The following CREB5 variants were observed in gnomAD, a reference collection of about 807,000 sequenced individuals.
CREB5 encodes cyclic AMP-responsive element-binding protein 5.
Under a neutral mutation model 57.1 loss-of-function variants are expected in CREB5, and 19 were observed. That is an observed-to-expected ratio of 0.33 (90% CI 0.23 to 0.49). The LOEUF (loss-of-function observed/expected upper bound fraction) is 0.49, where lower values mean the gene tolerates loss of function less well. CREB5 is among the 20% of genes least tolerant of loss of function. CREB5 has a pLI of 0.99. For synonymous variants in CREB5, 238 were observed against 238.3 expected (o/e 1.00, Z 0.01); for missense variants, 579 against 671.6 (o/e 0.86, Z 1.52).
chr7:28,569,842 A>G (rs1277998000), intron 4 of CREB5, among the ~76,000 whole-genome samples: 1 of 152,190 alleles, frequency 6.6e-6, no homozygotes, highest in African/African-American at 2.4e-5. Context: ...CTCATTCCAC[A>G]GGTTGTTGAG....
intron 5 of CREB5, among the ~76,000 whole-genome samples, chr7:28,579,765 T>C (rs1181137706): frequency 6.6e-6 from 1 of 152,198 alleles, no homozygotes; most frequent in African/African-American, 2.4e-5. Context: ...TCTACATGAA[T>C]AATCATAATG....
intron 5 of CREB5, among the ~76,000 whole-genome samples, chr7:28,709,863 A>G (rs534821918): frequency 6.6e-6 from 1 of 152,208 alleles, no homozygotes; most frequent in Non-Finnish European, 1.5e-5. Flanking sequence ...GTCAATATCG[A>G]TAAGTCCGTG....
intron 7 of CREB5, among the ~76,000 whole-genome samples, chr7:28,747,152 T>C (rs17157118): frequency 0.079 from 12,066 of 151,942 alleles, 1,533 homozygotes; most frequent in African/African-American, 0.27. Flanking sequence ...AATATGAGGG[T>C]TGCCAGTGTG....
chr7:28,732,755 C>T (rs1803729756), intron 7 of CREB5, among the ~76,000 whole-genome samples: 2 of 134,286 alleles, frequency 1.5e-5, no homozygotes, highest in South Asian at 2.4e-4. Context: ...CACAGAAGAT[C>T]TATCTGGAAA....
chr7:28,390,109 T>C (rs1185535874), intron 1 of CREB5, among the ~76,000 whole-genome samples: 1 of 152,034 alleles, frequency 6.6e-6, no homozygotes, highest in Non-Finnish European at 1.5e-5. Flanking sequence ...AAAGAGGATC[T>C]TCTTAAGATA....
chr7:28,324,473 AT>A (rs1257461411), intron 1 of CREB5, among the ~76,000 whole-genome samples: 5 of 152,130 alleles, frequency 3.3e-5, no homozygotes, highest in Non-Finnish European at 7.3e-5. Flanking sequence ...CTTTAAAAAA[AT>A]ATCTTGACTT....
At chr7:28,632,465 G>A (rs143619432) in intron 5 of CREB5, among the ~76,000 whole-genome samples, 1 of 152,250 alleles carries the variant, frequency 6.6e-6, no homozygotes, top group East Asian at 1.9e-4. Flanking sequence ...CCTCTCTCCT[G>A]TTGGTGCCTT....
upstream of CREB5, among the ~76,000 whole-genome samples, chr7:28,412,351 C>A (rs1449220133): frequency 6.6e-6 from 1 of 152,028 alleles, no homozygotes; most frequent in African/African-American, 2.4e-5. Flanking sequence ...AACAATTGGA[C>A]CTTTAGAGCA....
intron 4 of CREB5, among the ~76,000 whole-genome samples, chr7:28,516,526 G>A (rs1231377036): frequency 6.6e-6 from 1 of 152,152 alleles, no homozygotes; most frequent in African/African-American, 2.4e-5. Context: ...CGCAGGCACC[G>A]CCCTCAGCTC....
rs889775489 is a variant in CREB5, at chr7:28,709,799, G to T, written c.465-8954G>T. On this transcript the variant is annotated intron_variant, in intron 5 of 10. Transcript: ENST00000357727. ...TAAAAAGGAGGCCCAAATTTACCTC[G>T]TGTGGTAAACTTCATTTCCAACACC... Among the ~76,000 whole-genome samples, 7 of 152,254 alleles carry T rather than the reference G, an allele frequency of 4.6e-5. No individual in the cohort carries two copies. The South Asian group carries it at 1.5e-3, about 32-fold the overall frequency.
chr7:28,426,849 A>T (rs528574813), intron 1 of CREB5, among the ~76,000 whole-genome samples: 1 of 152,220 alleles, frequency 6.6e-6, no homozygotes, highest in Non-Finnish European at 1.5e-5. Flanking sequence ...GACTTCTTTC[A>T]TCGAATTAGC....
intron 1 of CREB5, among the ~76,000 whole-genome samples, chr7:28,429,845 G>A (rs558447855): frequency 1.3e-5 from 2 of 152,284 alleles, no homozygotes; most frequent in South Asian, 4.1e-4. Flanking sequence ...AAGGTGCTGG[G>A]GGCACAGGGA....
At chr7:28,680,738 A>G (rs1464085265) in intron 5 of CREB5, among the ~76,000 whole-genome samples, 1 of 151,416 alleles carries the variant, frequency 6.6e-6, no homozygotes, top group Non-Finnish European at 1.5e-5. Flanking sequence ...CAGCCTAGGC[A>G]ACAGAACAAG....
At chr7:28,803,755 CAAAAAAAAA>C (rs562078960) in intron 7 of CREB5, among the ~76,000 whole-genome samples, 4 of 79,800 alleles carry the variant, frequency 5.0e-5, no homozygotes, top group African/African-American at 2.0e-4. Context: ...GACTCCATCT[CAAAAAAAAA>C]AAAAAAAAAA....
chr7:28,810,016 CT>C (rs1476193812), intron 9 of CREB5, among the ~76,000 whole-genome samples: 1 of 152,124 alleles, frequency 6.6e-6, no homozygotes, highest in Non-Finnish European at 1.5e-5. Flanking sequence ...CATTTGCCAA[CT>C]CACCAAGATT....
At chr7:28,304,449 T>A (rs1785151428) in intron 1 of CREB5, among the ~76,000 whole-genome samples, 1 of 152,222 alleles carries the variant, frequency 6.6e-6, no homozygotes, top group Non-Finnish European at 1.5e-5. Context: ...TTTCAAATGC[T>A]AATACCCCAT....
intron 3 of CREB5, among the ~76,000 whole-genome samples, chr7:28,503,874 C>T (rs1438174706): frequency 6.6e-6 from 1 of 152,140 alleles, no homozygotes; most frequent in Non-Finnish European, 1.5e-5. Context: ...GCAAAGACAA[C>T]TGCTTCCCTC....
At chr7:28,432,070 A>G (rs897398966) in intron 1 of CREB5, among the ~76,000 whole-genome samples, 1 of 145,658 alleles carries the variant, frequency 6.9e-6, no homozygotes, top group African/African-American at 2.6e-5. Flanking sequence ...AGAGATTCTG[A>G]TGTCTGTTAA....
chr7:28,745,649 A>G (rs1164991204), intron 7 of CREB5, among the ~76,000 whole-genome samples: 1 of 152,156 alleles, frequency 6.6e-6, no homozygotes, highest in East Asian at 1.9e-4. Flanking sequence ...GCTATTACAG[A>G]GCAGAACCCC....
Sources: allele counts gnomAD v4.1 joint callset (sites outside exome capture counted in the v4.1 genomes callset), GRCh38; gene constraint gnomAD v4.1.1; transcripts MANE v1.5; gene names NCBI Gene and HGNC (gene_info 2026-07-23, HGNC 2026-07-21).